The following MAGEB16 variants were observed in gnomAD, a reference collection of about 807,000 sequenced individuals.
MAGEB16 encodes melanoma-associated antigen B16.
For synonymous variants in MAGEB16, 95 were observed against 92.1 expected, an observed-to-expected ratio of 1.03 and a Z score of -0.18; for missense variants, 217 against 234.0, an observed-to-expected ratio of 0.93 and a Z score of 0.47.
At chrX:35,803,110 T>C (rs1341794005) in exon 2 of MAGEB16, 1 of 1,206,958 alleles carries the variant, frequency 8.3e-7, no homozygotes, top group African/African-American at 1.7e-5. Context: ...CCACATTCTT[T>C]CCCATCTCAG....
intron 1 of MAGEB16, chrX:35,800,691 T>C: frequency 4.2e-6 from 2 of 479,525 alleles, no homozygotes; most frequent in African/African-American, 2.4e-5. Context: ...GGATGAGATA[T>C]CTACTTATTT....
chrX:35,800,186 G>A (rs763631170), intron 1 of MAGEB16, among the ~76,000 whole-genome samples: 7 of 111,184 alleles, frequency 6.3e-5, no homozygotes, highest in Admixed American at 5.7e-4. Flanking sequence ...GGAGTCTCTC[G>A]CAGTGCCTGG....
At chrX:35,799,353 G>A (rs1934843141) in intron 1 of MAGEB16, among the ~76,000 whole-genome samples, 1 of 111,241 alleles carries the variant, frequency 9.0e-6, no homozygotes, top group Non-Finnish European at 1.9e-5. Flanking sequence ...TTAGCCGACT[G>A]GAGGGAACAC....
chrX:35,802,182 C>A lies in MAGEB16; in HGVS notation c.-15C>A, dbSNP rs766009164. 42 of 1,208,925 alleles carry A rather than the reference C, an allele frequency of 3.5e-5. 1 individual carries two copies. The South Asian group carries it at 5.3e-4, about 15-fold the overall frequency. On this transcript the variant is annotated 5_prime_UTR_variant, in exon 2 of 2. Coordinates refer to ENST00000399988, the Ensembl canonical transcript of MAGEB16. ...CTGTCCACACTCCTGCCTACTGCCA[C>A]CCACAAGGGTCATCATGTCTCAGGA...
chrX:35,800,512 G>A (rs752079241), intron 1 of MAGEB16: 9 of 521,641 alleles, frequency 1.7e-5, no homozygotes, highest in East Asian at 7.3e-5. Context: ...TTCTTTTTTC[G>A]GCAGGAGTGG....
At chrX:35,802,670 T>A (rs778858218) in exon 2 of MAGEB16, 1 of 1,211,616 alleles carries the variant, frequency 8.3e-7, no homozygotes, top group Non-Finnish European at 1.1e-6. Flanking sequence ...TCCTGAGAGC[T>A]TCTGAGCACC....
intron 1 of MAGEB16, chrX:35,801,248 C>G (rs949432619): frequency 8.9e-6 from 1 of 112,313 alleles, no homozygotes; most frequent in Admixed American, 9.4e-5. Flanking sequence ...TCACAGTGTA[C>G]AGCCTTTGTT....
In MAGEB16 at chrX:35,802,676, G is replaced by A. The variant is rs745820896; in HGVS notation, c.480G>A (p.Glu160=). 6 of 1,209,486 alleles carry A rather than the reference G, an allele frequency of 5.0e-6. No individual in the cohort carries two copies. The East Asian group carries it at 1.2e-4, about 24-fold the overall frequency. Residue 160 remains glutamate (E), a synonymous_variant, in exon 2 of 2, where the codon GAG becomes GAA. Transcript: ENST00000399988. ...CTGAGATCCTCCTGAGAGCTTCTGA[G>A]CACCTAGAGATGATATTTGGCCTTG... is the stretch of plus-strand genomic sequence containing the variant.
At chrX:35,802,205 G>A (rs1237010686) in exon 2 of MAGEB16, 1 of 1,211,431 alleles carries the variant, frequency 8.3e-7, no homozygotes, top group East Asian at 3.0e-5. Flanking sequence ...TCATGTCTCA[G>A]GATCAGGAGA....
At chrX:35,803,328 A>C in exon 2 of MAGEB16, 1 of 484,520 alleles carries the variant, frequency 2.1e-6, no homozygotes, top group Non-Finnish European at 3.3e-6. Flanking sequence ...GGCTGGAGGA[A>C]AAATAGTATA....
intron 1 of MAGEB16, among the ~76,000 whole-genome samples, chrX:35,799,067 A>G (rs1185477855): frequency 3.1e-5 from 3 of 95,547 alleles, no homozygotes; most frequent in African/African-American, 1.2e-4. Flanking sequence ...TATTTTTAGT[A>G]GAGACGGGGT....
chrX:35,802,636 A>G (rs1408797542), exon 2 of MAGEB16: 1 of 1,209,425 alleles, frequency 8.3e-7, no homozygotes, highest in Non-Finnish European at 1.1e-6. Flanking sequence ...ATCAAAGATG[A>G]TGAGAGCCAC....
exon 2 of MAGEB16, chrX:35,802,643 C>T (rs1934874482): frequency 3.3e-6 from 4 of 1,208,856 alleles, no homozygotes; most frequent in Non-Finnish European, 4.5e-6. Flanking sequence ...ATGATGAGAG[C>T]CACTTCTCTG....
At chrX:35,799,809 G>T (rs1339332314) in intron 1 of MAGEB16, among the ~76,000 whole-genome samples, 1 of 111,659 alleles carries the variant, frequency 9.0e-6, no homozygotes, top group Non-Finnish European at 1.9e-5. Context: ...TCTGGAACAG[G>T]GTGTTACCAT....
chrX:35,800,738 C>T (rs1934855577), intron 1 of MAGEB16, among the ~76,000 whole-genome samples: 1 of 110,868 alleles, frequency 9.0e-6, no homozygotes, highest in Admixed American at 9.6e-5. Flanking sequence ...AGGTTTTGGT[C>T]TAAGGAAGTG....
chrX:35,802,190 G>A, exon 2 of MAGEB16: 2 of 1,210,827 alleles, frequency 1.7e-6, no homozygotes, highest in Admixed American at 2.2e-5. Context: ...CACCCACAAG[G>A]GTCATCATGT....
intron 1 of MAGEB16, chrX:35,801,353 G>A (rs926868418): frequency 2.7e-5 from 3 of 111,775 alleles, no homozygotes; most frequent in African/African-American, 9.8e-5. Flanking sequence ...TCTTGAAGGT[G>A]GAGAGTGGCA....
exon 2 of MAGEB16, chrX:35,802,381 T>C: frequency 2.5e-6 from 3 of 1,208,033 alleles, no homozygotes; most frequent in Non-Finnish European, 3.4e-6. Context: ...GAGAGTCCTC[T>C]TGAGGTTCCT....
At chrX:35,799,951 C>T (rs941011634) in intron 1 of MAGEB16, among the ~76,000 whole-genome samples, 1 of 110,933 alleles carries the variant, frequency 9.0e-6, no homozygotes, top group Non-Finnish European at 1.9e-5. Flanking sequence ...CTAAGTAAGG[C>T]CATCAGAGGG....
Sources: gnomAD v4.1 joint callset for allele counts (sites outside exome capture counted in the v4.1 genomes callset) on GRCh38, gnomAD v4.1.1 for gene constraint, MANE v1.5 for transcripts, NCBI Gene and HGNC (gene_info 2026-07-23, HGNC 2026-07-21) for gene names.